The following SLC38A1 variants were observed in gnomAD, a reference collection of about 807,000 sequenced individuals.
SLC38A1 encodes the protein sodium-coupled neutral amino acid symporter 1.
A neutral mutation model predicts 60.3 loss-of-function variants in SLC38A1; 18 were observed. That is an observed-to-expected ratio of 0.30 (90% CI 0.21 to 0.44). SLC38A1 has a LOEUF of 0.44. Among genes scored for constraint, SLC38A1 ranks in the 20% least tolerant of loss-of-function variants. The pLI is 1.00. For synonymous variants in SLC38A1, 196 were observed against 212.1 expected (o/e 0.92, Z 0.66); for missense variants, 448 against 587.2 (o/e 0.76, Z 2.45).
intron 1 of SLC38A1, among the ~76,000 whole-genome samples, chr12:46,263,701 C>G (rs1233860024): frequency 1.0e-5 from 1 of 95,902 alleles, no homozygotes; most frequent in Non-Finnish European, 2.3e-5. Flanking sequence ...CTTCGCCATT[C>G]CTAAGAGATG....
Position 46,206,127 on chromosome 12 carries a change from A to G in SLC38A1, c.599T>C (p.Ile200Thr). 2.5e-6 allele frequency: 4 copies of G among 1,612,208 alleles called. No homozygotes were observed. Among genetic ancestry groups the G allele is most frequent in the East Asian group, 2.2e-5 (1 of 44,764 alleles). Residue 200 changes from isoleucine to threonine, a missense_variant, in exon 9 of 17, where the codon ATA becomes ACA. This residue lies in a region of SLC38A1 where 346 missense variants were observed against 497.5 expected (regional missense o/e 0.70). Coordinates refer to ENST00000398637, the MANE Select transcript of SLC38A1 (RefSeq NM_030674.4). ...AGGGAGAATTATGCCAAAGGTAACTATCACCACCAGAACGCGGCCATCCAC... is the reference window on the plus strand; with the variant it reads ...AGGGAGAATTATGCCAAAGGTAACTGTCACCACCAGAACGCGGCCATCCAC... ...WYVDGRVLVV[I>T]VTFGIILPLC... is the part of the protein sequence containing the mutation.
Position 46,239,848 on chromosome 12 carries a change from T to C in SLC38A1, c.-48A>G. The stretch of plus-strand genomic sequence containing the variant: ...GAAAATTAGTCCAAATTTCTCCTGT[T>C]CTGAGTGTATTTAGAAGTAGATACC... On this transcript the variant is annotated 5_prime_UTR_variant, in exon 3 of 17. Coordinates refer to ENST00000398637, the MANE Select transcript of SLC38A1 (RefSeq NM_030674.4). 1 of 1,604,220 alleles carries C rather than the reference T, an allele frequency of 6.2e-7. No individual in the cohort carries two copies. The highest frequency in any genetic ancestry group is 8.5e-7 in the Non-Finnish European group (1 of 1,175,536).
intron 1 of SLC38A1, among the ~76,000 whole-genome samples, chr12:46,252,234 A>T (rs1188776910): frequency 5.9e-5 from 9 of 152,176 alleles, no homozygotes. Flanking sequence ...AAACTCTCAC[A>T]AGGACAGAAA....
intron 5 of SLC38A1, among the ~76,000 whole-genome samples, chr12:46,220,697 T>C (rs990386311): frequency 6.6e-6 from 1 of 152,234 alleles, no homozygotes; most frequent in African/African-American, 2.4e-5. Flanking sequence ...TCAACCTTTT[T>C]GGCATATATG....
At chr12:46,196,335 G>T in intron 16 of SLC38A1, 1 of 1,528,668 alleles carries the variant, frequency 6.5e-7, no homozygotes. Flanking sequence ...ATACCATCCT[G>T]GGTCCAGTCT....
At chr12:46,249,405 C>A (rs1023306141) in intron 1 of SLC38A1, among the ~76,000 whole-genome samples, 17 of 152,010 alleles carry the variant, frequency 1.1e-4, no homozygotes, top group African/African-American at 4.1e-4. Flanking sequence ...AAACAACACC[C>A]TAACATCACA....
At chr12:46,231,019 T>C (rs1320021024) in intron 3 of SLC38A1, among the ~76,000 whole-genome samples, 1 of 152,208 alleles carries the variant, frequency 6.6e-6, no homozygotes, top group African/African-American at 2.4e-5. Flanking sequence ...ACAGCACTAT[T>C]CACCATAGCA....
rs185629169 is a variant in SLC38A1 at position 46,237,411 on chromosome 12, G to T, written c.122+2268C>A. On this transcript the variant is annotated intron_variant, in intron 3 of 16. Coordinates refer to ENST00000398637, the MANE Select transcript of SLC38A1 (RefSeq NM_030674.4). ...CTTTATTAGCTTCATGCTATAACAT[G>T]TTGTTTTTAATTGTGTTAGAGCGAG... Among the ~76,000 whole-genome samples, 111 of 148,864 alleles carry T rather than the reference G, an allele frequency of 7.5e-4. 3 individuals are homozygous for T. Among genetic ancestry groups the T allele is most frequent in the African/African-American group, 2.7e-3 (104 of 38,350 alleles).
At chr12:46,202,941 A>C in intron 12 of SLC38A1, 69 bp downstream of exon 12, 1 of 1,186,828 alleles carries the variant, frequency 8.4e-7, no homozygotes, top group Non-Finnish European at 1.2e-6. Context: ...CGTTTATTTT[A>C]ATTGCATACT....
intron 1 of SLC38A1, among the ~76,000 whole-genome samples, chr12:46,248,105 T>G (rs1270465478): frequency 6.6e-6 from 1 of 152,188 alleles, no homozygotes; most frequent in Non-Finnish European, 1.5e-5. Flanking sequence ...AGACCATCGA[T>G]GCTGTGAAGA....
At position 46,209,044 on chromosome 12, in the gene SLC38A1, C is replaced by G; in HGVS notation, c.388+10G>C. ...TGGTTTTAACAAAATCAAACACGTC[C>G]TCAGCTTACCTGTTTCTTTTGAACA... On this transcript the variant is annotated intron_variant, in intron 6 of 16. Transcript: ENST00000398637. 1.9e-6 allele frequency: 3 copies of G among 1,596,554 alleles called. No homozygotes were observed. Among genetic ancestry groups the G allele is most frequent in the Non-Finnish European group, 2.6e-6 (3 of 1,167,648 alleles).
chr12:46,258,455 T>C (rs1201737722), intron 1 of SLC38A1, among the ~76,000 whole-genome samples: 1 of 152,200 alleles, frequency 6.6e-6, no homozygotes, highest in African/African-American at 2.4e-5. Context: ...ATTTGTTTCA[T>C]ATACACCTTA....
intron 2 of SLC38A1, among the ~76,000 whole-genome samples, chr12:46,242,615 C>CA (rs545029504): frequency 5.6e-4 from 85 of 150,898 alleles, no homozygotes; most frequent in African/African-American, 2.0e-3. Flanking sequence ...CAAACAACAA[C>CA]AAAAAAACAA....
chr12:46,215,795 G>T lies in SLC38A1; in HGVS notation c.315-6668C>A, dbSNP rs12300519. On this transcript the variant is annotated intron_variant, in intron 5 of 16. Transcript: ENST00000398637. ...CTTCCTCTTCTAGATCCAGTTAGAA[G>T]TATAAAACTTTTACTATCCTCAATT... Among the ~76,000 whole-genome samples the T allele has an allele frequency of 4.1e-3, 631 of 152,252 alleles. 9 individuals carry two copies. Among genetic ancestry groups the T allele is most frequent in the African/African-American group, 0.014 (596 of 41,538 alleles).
chr12:46,214,875 T>G (rs974694130), intron 5 of SLC38A1, among the ~76,000 whole-genome samples: 11 of 152,094 alleles, frequency 7.2e-5, no homozygotes, highest in African/African-American at 2.4e-4. Flanking sequence ...ATGGGGGTGT[T>G]TGGGGCTGCC....
chr12:46,204,805 A>G (rs1310114992), intron 9 of SLC38A1, among the ~76,000 whole-genome samples: 1 of 152,176 alleles, frequency 6.6e-6, no homozygotes, highest in Non-Finnish European at 1.5e-5. Context: ...TGGCAAAAAA[A>G]TGGGGCTCTG....
Position 46,184,325 on chromosome 12 carries a change from T to A in SLC38A1, c.*4645A>T, listed in dbSNP as rs547515855. On this transcript the variant is annotated 3_prime_UTR_variant, in exon 17 of 17. Coordinates refer to ENST00000398637, the MANE Select transcript of SLC38A1 (RefSeq NM_030674.4). ...TGCTAAAGGATTCTCAAACCTGCCA[T>A]CCCCAAGGAAAATCATGTATTAGTA... The A allele has an allele frequency of 1.1e-4, 16 of 152,312 alleles. No individual in the cohort carries two copies. Among genetic ancestry groups the A allele is most frequent in the African/African-American group, 3.8e-4 (16 of 41,570 alleles). The allele number at this position is 152,312 out of a possible 1,614,324, so 9.4% of individuals were successfully genotyped here. A position where few individuals can be genotyped will look rare whatever the true frequency, so the allele number is the denominator to read the frequency against.
chr12:46,191,660 G>T (rs1026314384), intron 16 of SLC38A1, among the ~76,000 whole-genome samples: 1 of 152,154 alleles, frequency 6.6e-6, no homozygotes, highest in Non-Finnish European at 1.5e-5. Context: ...TCCCTTGTAA[G>T]TCGGCTTCCT....
chr12:46,195,920 C>A (rs866931830), intron 16 of SLC38A1: 2 of 411,014 alleles, frequency 4.9e-6, no homozygotes, highest in African/African-American at 2.1e-5. Context: ...GGTGAGGTGA[C>A]GCCCCACCTT....
Sources: allele counts gnomAD v4.1 joint callset (sites outside exome capture counted in the v4.1 genomes callset), GRCh38; gene constraint gnomAD v4.1.1; regional missense constraint gnomAD v4.1.1; transcripts MANE v1.5; gene names NCBI Gene and HGNC (gene_info 2026-07-23, HGNC 2026-07-21).